Variants in SORCS3 observed in about 807,000 individuals in gnomAD.
The protein encoded by SORCS3 is sortilin related VPS10 domain containing receptor 3.
In SORCS3, 57 loss-of-function variants were observed where a neutral mutation model predicts 146.3. The observed-to-expected ratio is 0.39, with a 90% CI of 0.31 to 0.49. SORCS3 has a LOEUF of 0.49. Among genes scored for constraint, SORCS3 ranks in the 20% least tolerant of loss-of-function variants. SORCS3 has a pLI of 0.92. For synonymous variants in SORCS3, 653 were observed against 618.5 expected (o/e 1.06, Z -0.83); for missense variants, 1,341 against 1,575.5 (o/e 0.85, Z 2.52).
intron 1 of SORCS3, among the ~76,000 whole-genome samples, chr10:104,786,028 A>G (rs1327096570): frequency 6.6e-6 from 1 of 152,198 alleles, no homozygotes; most frequent in African/African-American, 2.4e-5. Context: ...GAATATCAAC[A>G]TTAGGGTGCA....
At chr10:104,874,020 G>A (rs995355029) in intron 2 of SORCS3, among the ~76,000 whole-genome samples, 1 of 152,102 alleles carries the variant, frequency 6.6e-6, no homozygotes, top group Admixed American at 6.5e-5. Context: ...AAATACGGTT[G>A]GACAGTTGAT....
At chr10:104,652,493 G>C (rs766724811) in intron 1 of SORCS3, among the ~76,000 whole-genome samples, 3 of 152,168 alleles carry the variant, frequency 2.0e-5, no homozygotes, top group Non-Finnish European at 4.4e-5. Flanking sequence ...AACTCAAGTT[G>C]TTAGTTTACC....
intron 2 of SORCS3, among the ~76,000 whole-genome samples, chr10:104,876,994 A>G (rs1008598646): frequency 2.6e-4 from 39 of 152,014 alleles, no homozygotes; most frequent in Admixed American, 9.2e-4. Flanking sequence ...ACATGTCACC[A>G]TGCCTGGCTA....
At chr10:104,727,594 ATATACT>A (rs574221608) in intron 1 of SORCS3, among the ~76,000 whole-genome samples, 1 of 151,870 alleles carries the variant, frequency 6.6e-6, no homozygotes, top group South Asian at 2.1e-4. Flanking sequence ...CTATATATTC[ATATACT>A]TATATATATA....
Position 105,201,123 on chromosome 10 carries a change from G to A in SORCS3, c.2131G>A (p.Glu711Lys). 3.1e-6 allele frequency: 5 copies of A among 1,612,020 alleles called. No individual in the cohort carries two copies. Among genetic ancestry groups the A allele is most frequent in the Non-Finnish European group, 4.2e-6 (5 of 1,179,104 alleles). Residue 711 changes from glutamate (E) to lysine (K), a missense_variant, in exon 16 of 27, where the codon GAG (glutamate) becomes AAG (lysine). Physicochemically the swap from Glu to Lys is moderately conservative, Grantham distance 56. Transcript: ENST00000369701. The part of the protein sequence containing the change: ...YQTWHLLNQG[E>K]PCVMGERKIF... ...CACTATGGAATTTCTCTCTAAGGGA[G>A]AGCCTTGTGTCATGGGAGAAAGGAA...
intron 7 of SORCS3, among the ~76,000 whole-genome samples, chr10:105,130,859 C>T (rs1298768973): frequency 6.6e-6 from 1 of 152,130 alleles, no homozygotes; most frequent in Non-Finnish European, 1.5e-5. Flanking sequence ...GTCAAACAGT[C>T]TAACAGAGGA....
chr10:104,819,163 G>T (rs1322707449), intron 1 of SORCS3, among the ~76,000 whole-genome samples: 2 of 152,088 alleles, frequency 1.3e-5, no homozygotes, highest in Admixed American at 6.5e-5. Context: ...CTCTGAGGGG[G>T]TGCACGTCAG....
intron 14 of SORCS3, among the ~76,000 whole-genome samples, chr10:105,183,245 C>A (rs1392723054): frequency 6.6e-6 from 1 of 152,202 alleles, no homozygotes; most frequent in Non-Finnish European, 1.5e-5. Flanking sequence ...TCTTATAAAT[C>A]CAGTTGTAAT....
At chr10:105,152,489 T>C (rs1192295004) in intron 9 of SORCS3, among the ~76,000 whole-genome samples, 2 of 152,214 alleles carry the variant, frequency 1.3e-5, no homozygotes, top group East Asian at 1.9e-4. Context: ...ACATGTCCCA[T>C]GAATCTCAAT....
intron 3 of SORCS3, among the ~76,000 whole-genome samples, chr10:104,974,076 T>A (rs539741487): frequency 6.6e-6 from 1 of 152,338 alleles, no homozygotes; most frequent in Admixed American, 6.5e-5. Flanking sequence ...TGTTATAATT[T>A]CTGTTCTTTT....
intron 3 of SORCS3, among the ~76,000 whole-genome samples, chr10:104,965,398 T>G (rs1272904658): frequency 6.6e-6 from 1 of 152,212 alleles, no homozygotes; most frequent in Non-Finnish European, 1.5e-5. Flanking sequence ...CAATTGCAAT[T>G]GACACAGCTG....
chr10:104,968,461 T>G (rs1564724524), intron 3 of SORCS3, among the ~76,000 whole-genome samples: 1 of 152,228 alleles, frequency 6.6e-6, no homozygotes, highest in Non-Finnish European at 1.5e-5. Context: ...CTGAGGAGCC[T>G]GGCCTAAAGA....
At chr10:104,865,904 T>G (rs958854865) in intron 2 of SORCS3, among the ~76,000 whole-genome samples, 3 of 152,250 alleles carry the variant, frequency 2.0e-5, no homozygotes, top group African/African-American at 7.2e-5. Context: ...TTTGCAGTAC[T>G]CTGTCCTTGG....
intron 5 of SORCS3, among the ~76,000 whole-genome samples, chr10:105,060,184 G>A (rs192334640): frequency 3.9e-4 from 59 of 152,280 alleles, no homozygotes; most frequent in Admixed American, 7.9e-4. Context: ...CAACAGGCAA[G>A]CTTGTGTGCG....
At chr10:104,960,982 G>A (rs1379243252) in intron 3 of SORCS3, among the ~76,000 whole-genome samples, 2 of 152,066 alleles carry the variant, frequency 1.3e-5, no homozygotes, top group Non-Finnish European at 2.9e-5. Context: ...ACCATCTCTT[G>A]TGCACTTGAA....
At chr10:104,876,197 A>T (rs1293270982) in intron 2 of SORCS3, among the ~76,000 whole-genome samples, 1 of 152,188 alleles carries the variant, frequency 6.6e-6, no homozygotes, top group African/African-American at 2.4e-5. Context: ...CATTCCTGAA[A>T]GAGATTTATT....
chr10:105,113,815 CA>C (rs1290041747), intron 7 of SORCS3, among the ~76,000 whole-genome samples: 5 of 152,024 alleles, frequency 3.3e-5, no homozygotes, highest in Non-Finnish European at 7.4e-5. Context: ...GTAGCAAAAT[CA>C]AAAGAAGCTA....
intron 14 of SORCS3, among the ~76,000 whole-genome samples, chr10:105,194,822 C>T (rs2056535443): frequency 6.6e-6 from 1 of 152,074 alleles, no homozygotes. Flanking sequence ...AAAATACGGT[C>T]CTGGGGCCAG....
chr10:104,703,034 G>A (rs2016298650), intron 1 of SORCS3, among the ~76,000 whole-genome samples: 1 of 152,180 alleles, frequency 6.6e-6, no homozygotes, highest in Non-Finnish European at 1.5e-5. Context: ...GTTGATGTAA[G>A]GGAGAGAACA....
Sources: gnomAD v4.1 joint callset for allele counts (sites outside exome capture counted in the v4.1 genomes callset) on GRCh38, gnomAD v4.1.1 for gene constraint, MANE v1.5 for transcripts, NCBI Gene and HGNC (gene_info 2026-07-23, HGNC 2026-07-21) for gene names.